The following MTFR1 variants were observed in gnomAD, a reference collection of about 807,000 sequenced individuals.
MTFR1 encodes chondrocyte protein with a poly-proline region.
In MTFR1, 28 loss-of-function variants were observed where a neutral mutation model predicts 38.8. The ratio of observed to expected loss-of-function variants is 0.72; its 90% CI spans 0.53 to 0.99. The LOEUF (loss-of-function observed/expected upper bound fraction) is 0.99, where lower values mean the gene tolerates loss of function less well. MTFR1 is among the 50% of genes least tolerant of loss of function. The pLI, the probability that MTFR1 is intolerant of heterozygous loss-of-function variation, is 0.00. For missense variants in MTFR1, 358 were observed against 395.5 expected (o/e 0.91, Z 0.81); for synonymous variants, 145 against 137.0 (o/e 1.06, Z -0.41).
chr8:65,740,228 A>AAC (rs1807352563), intron 3 of MTFR1, among the ~76,000 whole-genome samples: 1 of 152,156 alleles, frequency 6.6e-6, no homozygotes, highest in South Asian at 2.1e-4. Flanking sequence ...ACTCGTAGTC[A>AAC]ACACTGCCCA....
At chr8:65,664,094 G>A (rs1020123842) in intron 1 of MTFR1, among the ~76,000 whole-genome samples, 1 of 151,924 alleles carries the variant, frequency 6.6e-6, no homozygotes, top group African/African-American at 2.4e-5. Flanking sequence ...AGGATTACAG[G>A]CGTGAGCCAT....
In MTFR1 at chr8:65,734,988, T is replaced by C. The variant is rs1807063990; in HGVS notation, c.*48+15507T>C. 7.7e-6 allele frequency: 6 copies of C among 782,406 alleles called. No individual in the cohort carries two copies. In the East Asian group the frequency reaches 1.5e-4, roughly 20 times the overall value. 48.5% of individuals were successfully genotyped at this position (782,406 alleles called of 1,614,324 possible). A position where few individuals can be genotyped will look rare whatever the true frequency, so the allele number is the denominator to read the frequency against. On this transcript the variant is annotated intron_variant, in intron 3 of 3. Transcript: ENST00000521247. ...AATTATGAGTTACCCACTCATACTT[T>C]TCATGTAGCTATCGGCTAAAATCGT...
intron 3 of MTFR1, among the ~76,000 whole-genome samples, chr8:65,766,661 C>G (rs1808802172): frequency 6.6e-6 from 1 of 152,220 alleles, no homozygotes; most frequent in African/African-American, 2.4e-5. Context: ...TTCTCCCTCT[C>G]TCCTCTTCCT....
intron 3 of MTFR1, among the ~76,000 whole-genome samples, chr8:65,738,898 T>C (rs554854700): frequency 5.3e-5 from 8 of 152,234 alleles, no homozygotes; most frequent in Admixed American, 2.6e-4. Context: ...GTAAGGAACA[T>C]TGCAAAATGA....
At chr8:65,729,166 C>T (rs982278118) in intron 3 of MTFR1, among the ~76,000 whole-genome samples, 2 of 152,116 alleles carry the variant, frequency 1.3e-5, no homozygotes, top group Admixed American at 1.3e-4. Context: ...AAAGAAACTA[C>T]AGATTATTTA....
chr8:65,762,020 C>T (rs1344315960), intron 3 of MTFR1, among the ~76,000 whole-genome samples: 1 of 152,166 alleles, frequency 6.6e-6, no homozygotes, highest in East Asian at 1.9e-4. Flanking sequence ...TTTAACAGTC[C>T]ACGAGAGGGA....
intron 4 of MTFR1, among the ~76,000 whole-genome samples, chr8:65,696,688 T>C (rs1388450405): frequency 6.6e-6 from 1 of 151,646 alleles, no homozygotes; most frequent in Non-Finnish European, 1.5e-5. Flanking sequence ...TGAGACAGAG[T>C]CTCACTCTGT....
chr8:65,760,005 C>T (rs1480214353), intron 3 of MTFR1, among the ~76,000 whole-genome samples: 2 of 152,020 alleles, frequency 1.3e-5, no homozygotes, highest in African/African-American at 2.4e-5. Context: ...TTTGGGAGCC[C>T]GAGGCAGGCA....
intron 1 of MTFR1, among the ~76,000 whole-genome samples, chr8:65,660,520 T>C (rs1358590003): frequency 1.3e-5 from 2 of 152,028 alleles, no homozygotes; most frequent in Non-Finnish European, 2.9e-5. Context: ...GAGAGCAAAT[T>C]TGTACTCAGC....
chr8:65,695,335 G>T (rs1805405340), intron 4 of MTFR1, among the ~76,000 whole-genome samples: 1 of 151,606 alleles, frequency 6.6e-6, no homozygotes, highest in Non-Finnish European at 1.5e-5. Context: ...TAATTATAAG[G>T]ATGGTGAAAC....
chr8:65,745,543 G>A (rs1031820211), intron 3 of MTFR1: 12 of 806,734 alleles, frequency 1.5e-5, no homozygotes, highest in Non-Finnish European at 2.3e-5. Flanking sequence ...ATTCCATAGA[G>A]AAGTTAAAGA....
At chr8:65,679,668 A>G (rs1804818880) in intron 2 of MTFR1, 1 of 152,198 alleles carries the variant, frequency 6.6e-6, no homozygotes, top group Admixed American at 6.5e-5. Context: ...GTTTGCTTAA[A>G]TACTGTCTTA....
At chr8:65,759,244 G>A (rs1221274144) in intron 3 of MTFR1, among the ~76,000 whole-genome samples, 2 of 152,172 alleles carry the variant, frequency 1.3e-5, no homozygotes, top group Admixed American at 6.5e-5. Flanking sequence ...ATTTCCTTAA[G>A]TGTCTGGCTC....
chr8:65,698,258 C>G (rs1245824159), intron 4 of MTFR1, among the ~76,000 whole-genome samples: 1 of 151,368 alleles, frequency 6.6e-6, no homozygotes, highest in Non-Finnish European at 1.5e-5. Flanking sequence ...AAGCGATCCT[C>G]TCACCTTAAC....
intron 3 of MTFR1, among the ~76,000 whole-genome samples, chr8:65,761,976 AGCCTCTG>A (rs1808519381): frequency 6.6e-6 from 1 of 152,178 alleles, no homozygotes. Flanking sequence ...TTAACAGAAA[AGCCTCTG>A]GCTCTTGAGA....
intron 1 of MTFR1, among the ~76,000 whole-genome samples, chr8:65,665,877 C>G (rs1364347426): frequency 6.6e-6 from 1 of 151,764 alleles, no homozygotes; most frequent in Non-Finnish European, 1.5e-5. Context: ...CATTAACCTA[C>G]TTTTTTAGGA....
intron 3 of MTFR1, among the ~76,000 whole-genome samples, chr8:65,754,575 A>G (rs895644346): frequency 1.3e-5 from 2 of 150,502 alleles, no homozygotes; most frequent in South Asian, 4.2e-4. Context: ...TGACCTTGTG[A>G]TCCGCCCGCC....
chr8:65,774,369 T>C (rs759011333), downstream of MTFR1, among the ~76,000 whole-genome samples: 10 of 152,194 alleles, frequency 6.6e-5, no homozygotes, highest in Non-Finnish European at 1.3e-4. Context: ...TGGTTCCCTC[T>C]TTATAATCAG....
At chr8:65,708,167 T>C (rs372048117) in intron 7 of MTFR1, 156 bp downstream of exon 7, 26 of 1,459,984 alleles carry the variant, frequency 1.8e-5, no homozygotes, top group Non-Finnish European at 2.3e-5. Context: ...TCACGGCTGG[T>C]TGGGAAAAGG....
Sources: allele counts gnomAD v4.1 joint callset (sites outside exome capture counted in the v4.1 genomes callset), GRCh38; gene constraint gnomAD v4.1.1; transcripts MANE v1.5; gene names NCBI Gene and HGNC (gene_info 2026-07-23, HGNC 2026-07-21).